The following SNCAIP variants were observed in gnomAD, a reference collection of about 807,000 sequenced individuals.
SNCAIP encodes the protein synuclein alpha interacting protein, also known as synphilin-1.
A neutral mutation model predicts 86.7 loss-of-function variants in SNCAIP; 43 were observed. That is an observed-to-expected ratio of 0.50 (90% CI 0.39 to 0.64). SNCAIP has a LOEUF of 0.64. Ranked by LOEUF, SNCAIP falls within the 30% of genes least tolerant of loss-of-function variation. The probability of loss-of-function intolerance (pLI) is 0.00; values close to 1 mark genes in which losing one functional copy is unlikely to be tolerated. For synonymous variants in SNCAIP, 417 were observed against 427.2 expected (o/e 0.98, Z 0.29); for missense variants, 981 against 1,103.1 (o/e 0.89, Z 1.57).
At chr5:122,376,632 A>T (rs1765385670) in intron 1 of SNCAIP, among the ~76,000 whole-genome samples, 1 of 152,208 alleles carries the variant, frequency 6.6e-6, no homozygotes, top group Admixed American at 6.5e-5. Context: ...GGAACAAATC[A>T]TATGTTCACT....
At chr5:122,436,740 C>T (rs932966216) in intron 6 of SNCAIP, 1 of 152,058 alleles carries the variant, frequency 6.6e-6, no homozygotes, top group Admixed American at 6.5e-5. Flanking sequence ...CAGCAATAAA[C>T]CTGTGACATA....
intron 1 of SNCAIP, among the ~76,000 whole-genome samples, chr5:122,324,922 A>G (rs996147184): frequency 3.9e-5 from 6 of 152,322 alleles, no homozygotes; most frequent in Middle Eastern, 3.4e-3. Context: ...GACAGCATAG[A>G]AATAACATGG....
intron 1 of SNCAIP, chr5:122,389,405 A>C (rs2152836475): frequency 6.6e-6 from 1 of 152,324 alleles, no homozygotes. Flanking sequence ...TCATGAAAAG[A>C]AATTGGATTG....
intron 1 of SNCAIP, chr5:122,389,189 G>A (rs943699925): frequency 2.0e-5 from 3 of 152,292 alleles, no homozygotes; most frequent in Admixed American, 1.3e-4. Context: ...ATTAAGACAT[G>A]TTCATCCACA....
At chr5:122,317,594 G>A (rs1383458405) in intron 1 of SNCAIP, among the ~76,000 whole-genome samples, 1 of 152,126 alleles carries the variant, frequency 6.6e-6, no homozygotes, top group African/African-American at 2.4e-5. Flanking sequence ...GTGGGAAGGA[G>A]TGTATGGGAG....
rs1780703101 is a variant in SNCAIP at position 122,440,750 on chromosome 5, T to C, written c.1418T>C (p.Ile473Thr). 1.9e-6 allele frequency: 3 copies of C among 1,613,958 alleles called. No individual in the cohort carries two copies. The highest frequency in any genetic ancestry group is 2.5e-6 in the Non-Finnish European group (3 of 1,179,798). ...VASQHGYLGCIQTLVEYGANV... is the reference protein window; with the variant it reads ...VASQHGYLGCTQTLVEYGANV... ...TCACAGCATGGCTACCTTGGATGCA[T>C]ACAGGTACACAGGCCCTGCTGTTTT... The change falls in exon 7 of 11, where the codon ATA becomes ACA. Residue 473 changes from isoleucine (I) to threonine (T), a missense_variant. By Grantham distance (89) the Ile-to-Thr change is moderately conservative. Coordinates refer to ENST00000261368, the MANE Select transcript of SNCAIP (RefSeq NM_005460.4).
intron 1 of SNCAIP, among the ~76,000 whole-genome samples, chr5:122,368,367 A>G (rs1763600621): frequency 6.6e-6 from 1 of 152,160 alleles, no homozygotes; most frequent in Non-Finnish European, 1.5e-5. Context: ...TTGTACTTGC[A>G]GAACTTTTCG....
At chr5:122,321,863 T>C (rs1245334520) in intron 1 of SNCAIP, 2 of 152,188 alleles carry the variant, frequency 1.3e-5, no homozygotes, top group Non-Finnish European at 2.9e-5. Context: ...TGTATACACC[T>C]TGTTTAGTTT....
chr5:122,459,801 T>A (rs1175912127), intron 10 of SNCAIP, among the ~76,000 whole-genome samples: 1 of 152,236 alleles, frequency 6.6e-6, no homozygotes, highest in East Asian at 1.9e-4. Context: ...TAGATACTTA[T>A]AAGAGTAATA....
At chr5:122,317,881 C>CTCCA (rs1752104660) in intron 1 of SNCAIP, among the ~76,000 whole-genome samples, 1 of 152,128 alleles carries the variant, frequency 6.6e-6, no homozygotes, top group Admixed American at 6.6e-5. Context: ...AGACCTCCTG[C>CTCCA]TCCACTTCCT....
intron 1 of SNCAIP, among the ~76,000 whole-genome samples, chr5:122,351,555 A>AAAAAAAAAAAAAAAAAAAAAAAAAAAAT (rs1365610218): frequency 6.9e-6 from 1 of 144,410 alleles, no homozygotes; most frequent in African/African-American, 2.5e-5. Context: ...AAAAAAAAAA[A>AAAAAAAAAAAAAAAAAAAAAAAAAAAAT]AAAAAAAAAA....
At chr5:122,344,213 A>ACAT (rs1351115418) in intron 1 of SNCAIP, among the ~76,000 whole-genome samples, 2 of 152,202 alleles carry the variant, frequency 1.3e-5, no homozygotes, top group African/African-American at 2.4e-5. Flanking sequence ...AACACAGATC[A>ACAT]ATGCCTGCCA....
At chr5:122,322,102 G>T (rs1230608344) in intron 1 of SNCAIP, among the ~76,000 whole-genome samples, 1 of 152,190 alleles carries the variant, frequency 6.6e-6, no homozygotes, top group Non-Finnish European at 1.5e-5. Flanking sequence ...CCTGCATCAG[G>T]GAGCTGTTAG....
intron 3 of SNCAIP, among the ~76,000 whole-genome samples, chr5:122,418,758 T>G (rs1355236099): frequency 6.6e-6 from 1 of 152,194 alleles, no homozygotes; most frequent in Non-Finnish European, 1.5e-5. Context: ...CCTGTGTGCC[T>G]CTTAGATATT....
intron 6 of SNCAIP, among the ~76,000 whole-genome samples, chr5:122,437,728 A>C (rs1325556024): frequency 6.6e-6 from 1 of 152,206 alleles, no homozygotes; most frequent in East Asian, 1.9e-4. Context: ...CCTAAGAAGG[A>C]AAGGCAAGTT....
chr5:122,329,390 C>T (rs966938590), intron 1 of SNCAIP, among the ~76,000 whole-genome samples: 2 of 152,100 alleles, frequency 1.3e-5, no homozygotes, highest in Admixed American at 6.5e-5. Context: ...TTGAACCTCC[C>T]GGTGTCTCCC....
At chr5:122,399,951 G>T (rs866500766) in intron 2 of SNCAIP, among the ~76,000 whole-genome samples, 2 of 152,178 alleles carry the variant, frequency 1.3e-5, no homozygotes, top group Non-Finnish European at 1.5e-5. Context: ...CCTAGGTTGT[G>T]TTGATACCAC....
intron 1 of SNCAIP, among the ~76,000 whole-genome samples, chr5:122,364,696 A>C (rs1359957547): frequency 6.6e-6 from 1 of 152,138 alleles, no homozygotes; most frequent in Non-Finnish European, 1.5e-5. Flanking sequence ...AGTTGCTTTC[A>C]TGTAAAAATT....
intron 7 of SNCAIP, chr5:122,444,103 C>T: frequency 2.2e-6 from 1 of 457,370 alleles, no homozygotes; most frequent in Non-Finnish European, 4.4e-6. Flanking sequence ...TATTCCTGAT[C>T]AGGTTGGCGC....
Sources: gnomAD v4.1 joint callset for allele counts (sites outside exome capture counted in the v4.1 genomes callset) on GRCh38, gnomAD v4.1.1 for gene constraint, MANE v1.5 for transcripts, NCBI Gene and HGNC (gene_info 2026-07-23, HGNC 2026-07-21) for gene names.